CNBD1: variants seen among roughly 807,000 people sequenced by gnomAD.
CNBD1 encodes cyclic nucleotide-binding domain-containing protein 1.
Under a neutral mutation model 54.4 loss-of-function variants are expected in CNBD1, and 71 were observed. That is an observed-to-expected ratio of 1.30 (90% CI 1.08 to 1.59). CNBD1 has a LOEUF of 1.59. CNBD1 is among the 40% of genes most tolerant of loss of function. The pLI is 0.00. For synonymous variants in CNBD1, 182 were observed against 170.7 expected (o/e 1.07, Z -0.51); for missense variants, 659 against 518.0 (o/e 1.27, Z -2.64).
intron 8 of CNBD1, among the ~76,000 whole-genome samples, chr8:87,306,959 AT>A (rs1809164689): frequency 2.0e-5 from 3 of 152,204 alleles, no homozygotes; most frequent in South Asian, 2.1e-4. Flanking sequence ...ACAGAAAAAA[AT>A]GTACTCAATA....
chr8:87,123,060 T>C, intron 4 of CNBD1, among the ~76,000 whole-genome samples: 1 of 151,876 alleles, frequency 6.6e-6, no homozygotes, highest in Non-Finnish European at 1.5e-5. Context: ...TTTAGGATTG[T>C]ATTTTCTATT....
At chr8:87,025,875 C>A (rs1185510146) in intron 4 of CNBD1, among the ~76,000 whole-genome samples, 1 of 152,112 alleles carries the variant, frequency 6.6e-6, no homozygotes, top group Non-Finnish European at 1.5e-5. Context: ...CAAGAACCCA[C>A]CGGAAGGAAC....
chr8:87,381,485 T>C (rs549715287), intron 10 of CNBD1, among the ~76,000 whole-genome samples: 2 of 152,064 alleles, frequency 1.3e-5, no homozygotes, highest in East Asian at 3.9e-4. Flanking sequence ...CCTTAAACAA[T>C]TAACAGTAGA....
intron 8 of CNBD1, among the ~76,000 whole-genome samples, chr8:87,289,611 T>C (rs1432323855): frequency 6.6e-6 from 1 of 152,176 alleles, no homozygotes; most frequent in Admixed American, 6.6e-5. Flanking sequence ...GGATTTGATA[T>C]AGCAAACATG....
chr8:87,295,949 A>C (rs1808868007), intron 8 of CNBD1, among the ~76,000 whole-genome samples: 1 of 152,156 alleles, frequency 6.6e-6, no homozygotes, highest in African/African-American at 2.4e-5. Context: ...CCAAAGTAGA[A>C]CTTTTAAAAA....
chr8:87,187,771 C>A (rs902541637), intron 4 of CNBD1, among the ~76,000 whole-genome samples: 17 of 152,136 alleles, frequency 1.1e-4, no homozygotes, highest in African/African-American at 3.9e-4. Context: ...TTGCTAATTA[C>A]ATAATTCATT....
chr8:87,225,553 C>T (rs1156910724), intron 5 of CNBD1, among the ~76,000 whole-genome samples: 1 of 151,184 alleles, frequency 6.6e-6, no homozygotes, highest in African/African-American at 2.4e-5. Flanking sequence ...TATTGATTTG[C>T]GTATATTGAA....
At chr8:87,425,750 C>A (rs1808034769) in intron 2 of CNBD1, among the ~76,000 whole-genome samples, 1 of 152,142 alleles carries the variant, frequency 6.6e-6, no homozygotes, top group South Asian at 2.1e-4. Context: ...TTTAAGTCTG[C>A]AGAGGTTACT....
At chr8:87,351,888 T>TACAA in intron 9 of CNBD1, 94 bp downstream of exon 9, 3 of 1,197,454 alleles carry the variant, frequency 2.5e-6, no homozygotes, top group South Asian at 5.2e-5. Context: ...CATTTATTTG[T>TACAA]ATTACTTTGT....
intron 2 of CNBD1, among the ~76,000 whole-genome samples, chr8:87,401,356 T>G (rs139035699): frequency 2.0e-5 from 3 of 152,042 alleles, no homozygotes; most frequent in African/African-American, 7.2e-5. Context: ...GGGGAAAGTG[T>G]CAATGCCCCT....
At chr8:87,265,554 A>T (rs184201812) in intron 6 of CNBD1, among the ~76,000 whole-genome samples, 9 of 152,230 alleles carry the variant, frequency 5.9e-5, no homozygotes, top group East Asian at 1.9e-4. Flanking sequence ...TATAGTTTTT[A>T]AAAAATTAAA....
chr8:86,912,391 C>T (rs1481048577), intron 3 of CNBD1, among the ~76,000 whole-genome samples: 1 of 151,992 alleles, frequency 6.6e-6, no homozygotes, highest in African/African-American at 2.4e-5. Flanking sequence ...TGCAGTCATG[C>T]ACTGCATAAC....
At chr8:87,242,268 A>G (rs1414327289) in intron 6 of CNBD1, among the ~76,000 whole-genome samples, 1 of 152,194 alleles carries the variant, frequency 6.6e-6, no homozygotes. Flanking sequence ...AATATTCTAT[A>G]GAAAATCGCC....
intron 2 of CNBD1, among the ~76,000 whole-genome samples, chr8:87,399,391 C>A (rs1807501707): frequency 6.6e-6 from 1 of 151,984 alleles, no homozygotes; most frequent in South Asian, 2.1e-4. Flanking sequence ...TCCCCAACAC[C>A]ACCCACCTCT....
intron 1 of CNBD1, among the ~76,000 whole-genome samples, chr8:86,879,623 GC>G (rs1808573772): frequency 1.3e-5 from 2 of 152,196 alleles, no homozygotes; most frequent in Non-Finnish European, 2.9e-5. Context: ...TGTAATTCCA[GC>G]ACTTTGGGAG....
At chr8:87,387,024 A>G (rs1020066893), downstream of CNBD1, among the ~76,000 whole-genome samples, 1 of 152,196 alleles carries the variant, frequency 6.6e-6, no homozygotes, top group Non-Finnish European at 1.5e-5. Context: ...TAAGTGAGGG[A>G]GAAATAAAAT....
intron 2 of CNBD1, among the ~76,000 whole-genome samples, chr8:87,406,718 T>A (rs1193753007): frequency 2.0e-5 from 3 of 152,008 alleles, no homozygotes; most frequent in Admixed American, 6.6e-5. Context: ...GACCTTGTGA[T>A]CTGCCAGCCT....
At chr8:87,176,764 C>T (rs928400100) in intron 4 of CNBD1, among the ~76,000 whole-genome samples, 1 of 151,872 alleles carries the variant, frequency 6.6e-6, no homozygotes, top group Admixed American at 6.6e-5. Context: ...GCTGGGATTA[C>T]AGGCGTGAGC....
intron 4 of CNBD1, among the ~76,000 whole-genome samples, chr8:87,111,342 A>C (rs1272741027): frequency 6.6e-6 from 1 of 152,182 alleles, no homozygotes; most frequent in Non-Finnish European, 1.5e-5. Context: ...AGAAAAACCT[A>C]ATGGAAAACC....
Sources: gnomAD v4.1 joint callset for allele counts (sites outside exome capture counted in the v4.1 genomes callset) on GRCh38, gnomAD v4.1.1 for gene constraint, MANE v1.5 for transcripts, NCBI Gene and HGNC (gene_info 2026-07-23, HGNC 2026-07-21) for gene names.